Variants in CYP39A1 observed in about 807,000 individuals in gnomAD.
CYP39A1 encodes 24-hydroxycholesterol 7-alpha-hydroxylase.
A neutral mutation model predicts 58.1 loss-of-function variants in CYP39A1; 49 were observed. The ratio of observed to expected loss-of-function variants is 0.84; its 90% confidence interval spans 0.67 to 1.07. The LOEUF is 1.07. CYP39A1 is among the 50% of genes least tolerant of loss of function. The pLI, the probability that CYP39A1 is intolerant of heterozygous loss-of-function variation, is 0.00. For synonymous variants in CYP39A1, 209 were observed against 187.6 expected, an observed-to-expected ratio of 1.11 and a Z score of -0.93; for missense variants, 531 against 539.4, an observed-to-expected ratio of 0.98 and a Z score of 0.16.
intron 7 of CYP39A1, among the ~76,000 whole-genome samples, chr6:46,606,892 C>G (rs1162121423): frequency 2.6e-5 from 4 of 152,226 alleles, no homozygotes; most frequent in African/African-American, 9.6e-5. Flanking sequence ...CTGTTATGTG[C>G]TAGCCTAAGC....
intron 10 of CYP39A1, among the ~76,000 whole-genome samples, chr6:46,568,203 T>A (rs1404060378): frequency 6.6e-6 from 1 of 152,134 alleles, no homozygotes; most frequent in Non-Finnish European, 1.5e-5. Flanking sequence ...TTGTGTATGT[T>A]CTCTGGAGAA....
chr6:46,652,231 C>T (rs529940370), intron 1 of CYP39A1, among the ~76,000 whole-genome samples, 175 bp downstream of exon 1: 1 of 152,252 alleles, frequency 6.6e-6, no homozygotes, highest in South Asian at 2.1e-4. Context: ...CAAAATTTTG[C>T]ACAGGATATT....
chr6:46,650,191 A>G (rs1459898670), intron 1 of CYP39A1, among the ~76,000 whole-genome samples: 4 of 152,014 alleles, frequency 2.6e-5, no homozygotes, highest in Non-Finnish European at 4.4e-5. Context: ...TTCATACACA[A>G]TGAGACTTCT....
At chr6:46,551,017 G>C (rs543728844) in intron 11 of CYP39A1, among the ~76,000 whole-genome samples, 12 of 152,232 alleles carry the variant, frequency 7.9e-5, no homozygotes, top group African/African-American at 2.9e-4. Context: ...TCAAGGGGAG[G>C]TCAGCGTATT....
chr6:46,617,659 T>C (rs1210328219), intron 7 of CYP39A1, among the ~76,000 whole-genome samples: 2 of 152,132 alleles, frequency 1.3e-5, no homozygotes, highest in East Asian at 3.9e-4. Context: ...CCAAACAAAC[T>C]AGGCTCAACT....
At chr6:46,611,395 G>C (rs1774204695) in intron 7 of CYP39A1, among the ~76,000 whole-genome samples, 1 of 152,174 alleles carries the variant, frequency 6.6e-6, no homozygotes, top group Non-Finnish European at 1.5e-5. Context: ...ACGTTTCTGA[G>C]AACAGGTTAT....
chr6:46,652,657 T>TAC lies in CYP39A1; in HGVS notation c.-77_-76dup. 7.1e-7 allele frequency: 1 copy of TAC among 1,406,324 alleles called. No homozygotes were observed. The highest frequency in any genetic ancestry group is 9.5e-7 in the Non-Finnish European group (1 of 1,052,446). 87.1% of individuals were successfully genotyped at this position (1,406,324 alleles called of 1,614,324 possible). A position where few individuals can be genotyped will look rare whatever the true frequency, so the allele number is the denominator to read the frequency against. On this transcript the variant is annotated 5_prime_UTR_variant, in exon 1 of 12. It introduces an in-frame stop codon into an upstream open reading frame of the 5' UTR. Transcript: ENST00000275016. ...CGTCCCTTGCTTCTTTTCTGTGGGCTACGGAACCTGTCGGGACTCCCAACC... is the reference window on the plus strand; with the variant it reads ...CGTCCCTTGCTTCTTTTCTGTGGGCTACACGGAACCTGTCGGGACTCCCAACC...
chr6:46,586,436 G>A, intron 10 of CYP39A1: 2 of 973,004 alleles, frequency 2.1e-6, no homozygotes. Context: ...GTCTTCCTCA[G>A]TGCTCTCTGA....
chr6:46,639,377 C>G, intron 3 of CYP39A1, 117 bp downstream of exon 3: 1 of 952,646 alleles, frequency 1.0e-6, no homozygotes, highest in Non-Finnish European at 1.6e-6. Flanking sequence ...CTCTTAATAG[C>G]CTAGTTAGGT....
At chr6:46,595,531 T>C (rs992218729) in intron 8 of CYP39A1, among the ~76,000 whole-genome samples, 3 of 151,728 alleles carry the variant, frequency 2.0e-5, no homozygotes, top group African/African-American at 7.3e-5. Context: ...ATGTTGAATC[T>C]AAAAAAAGTG....
intron 7 of CYP39A1, among the ~76,000 whole-genome samples, chr6:46,616,130 TTC>T (rs1774535985): frequency 7.6e-3 from 1 of 132 alleles, no homozygotes; most frequent in South Asian, 0.071. Context: ...TTTTCTTTCT[TTC>T]TTTCTTTCTT....
At chr6:46,646,102 A>C (rs552551244) in intron 1 of CYP39A1, among the ~76,000 whole-genome samples, 7 of 151,992 alleles carry the variant, frequency 4.6e-5, no homozygotes, top group Admixed American at 1.3e-4. Flanking sequence ...ATCCATATAT[A>C]TTTTCTTTTC....
chr6:46,584,936 C>CTAAGTTGT (rs1405099463), intron 10 of CYP39A1, among the ~76,000 whole-genome samples: 1 of 152,134 alleles, frequency 6.6e-6, no homozygotes, highest in Admixed American at 6.6e-5. Context: ...TTTGCCCCTA[C>CTAAGTTGT]TAAGTTGTTT....
At position 46,642,356 on chromosome 6, in the gene CYP39A1, C is replaced by G. The variant is rs548820816; in HGVS notation, c.178-58G>C. On this transcript the variant is annotated intron_variant, in intron 1 of 11. Transcript: ENST00000275016. ...AGCATTCCTAAGCCATGTTTAAGACCATTCTCCTCAAGAATCCTAATGCTG... is the reference window on the plus strand; with the variant it reads ...AGCATTCCTAAGCCATGTTTAAGACGATTCTCCTCAAGAATCCTAATGCTG... The G allele has an allele frequency of 1.1e-5, 16 of 1,497,416 alleles. No homozygotes were observed. The East Asian group carries it at 3.0e-4, about 28-fold the overall frequency. 92.8% of individuals were successfully genotyped at this position (1,497,416 alleles called of 1,614,324 possible).
intron 11 of CYP39A1, among the ~76,000 whole-genome samples, chr6:46,551,650 T>C (rs1356561912): frequency 6.6e-6 from 1 of 152,124 alleles, no homozygotes; most frequent in South Asian, 2.1e-4. Flanking sequence ...AAATTGGAGA[T>C]TCTAGCATTT....
At chr6:46,575,161 G>A (rs993979319) in intron 10 of CYP39A1, among the ~76,000 whole-genome samples, 1 of 152,106 alleles carries the variant, frequency 6.6e-6, no homozygotes, top group Non-Finnish European at 1.5e-5. Context: ...CAACTCCCAT[G>A]ACATTTGAGC....
chr6:46,613,387 T>C (rs886755661), intron 7 of CYP39A1, among the ~76,000 whole-genome samples: 5 of 152,316 alleles, frequency 3.3e-5, no homozygotes, highest in South Asian at 2.1e-4. Context: ...AGTGACAAGA[T>C]TGAAATTCAT....
intron 7 of CYP39A1, among the ~76,000 whole-genome samples, chr6:46,617,493 A>G (rs1582411124): frequency 6.6e-6 from 1 of 152,262 alleles, no homozygotes; most frequent in East Asian, 1.9e-4. Flanking sequence ...GAGTATACAT[A>G]TAGCATACCT....
intron 2 of CYP39A1, among the ~76,000 whole-genome samples, chr6:46,641,582 C>T (rs189975023): frequency 1.2e-3 from 186 of 152,246 alleles, no homozygotes; most frequent in African/African-American, 4.1e-3. Flanking sequence ...CACATGGCCC[C>T]AGTACACACA....
Sources: gnomAD v4.1 joint callset for allele counts (sites outside exome capture counted in the v4.1 genomes callset) on GRCh38, gnomAD v4.1.1 for gene constraint, MANE v1.5 for transcripts, NCBI Gene and HGNC (gene_info 2026-07-23, HGNC 2026-07-21) for gene names.